ARIH2: variants seen among roughly 807,000 people sequenced by gnomAD.
ARIH2 encodes E3 ubiquitin-protein ligase ARIH2.
ARIH2 carries 12 observed loss-of-function variants against 79.8 expected under a neutral mutation model. The ratio of observed to expected loss-of-function variants is 0.15; its 90% CI spans 0.10 to 0.24. ARIH2 has a LOEUF of 0.24. ARIH2 is among the 10% of genes least tolerant of loss of function. The pLI, the probability that ARIH2 is intolerant of heterozygous loss-of-function variation, is 1.00. For synonymous variants in ARIH2, 224 were observed against 213.9 expected (o/e 1.05, Z -0.41); for missense variants, 301 against 618.3 (o/e 0.49, Z 5.44).
At chr3:48,919,208 T>A in intron 1 of ARIH2, 1 of 1,277,282 alleles carries the variant, frequency 7.8e-7, no homozygotes, top group Non-Finnish European at 9.9e-7. Flanking sequence ...TCCCGCCGCC[T>A]TCTCAGCTCT....
chr3:48,937,178 A>T (rs2087274150), intron 3 of ARIH2, among the ~76,000 whole-genome samples: 1 of 152,236 alleles, frequency 6.6e-6, no homozygotes, highest in African/African-American at 2.4e-5. Context: ...TGTGGTCTAT[A>T]TCTGGAAAAG....
At position 48,983,454 on chromosome 3, in the gene ARIH2, C is replaced by T. The variant is rs183107342; in HGVS notation, c.*184C>T. 7.9e-6 allele frequency: 5 copies of T among 631,808 alleles called. No homozygotes were observed. The highest frequency in any genetic ancestry group is 2.7e-5 in the East Asian group (1 of 37,254). The allele number at this position is 631,808 out of a possible 1,614,324, so 39.1% of individuals were successfully genotyped here. On this transcript the variant is annotated 3_prime_UTR_variant, in exon 16 of 16. Coordinates refer to ENST00000356401, the MANE Select transcript of ARIH2 (RefSeq NM_006321.4). ...CTTCTCTTTTCACTTTTTGTTTCTA[C>T]CAGGGTAGAGGCCATGTTGAACTGG...
At chr3:48,957,846 G>A (rs1277650750) in intron 3 of ARIH2, among the ~76,000 whole-genome samples, 1 of 152,112 alleles carries the variant, frequency 6.6e-6, no homozygotes, top group Non-Finnish European at 1.5e-5. Context: ...TTCCCGAGTA[G>A]CTGGGACTAC....
chr3:48,970,449 G>T, intron 7 of ARIH2, 146 bp from the exon 8 acceptor site: 1 of 603,504 alleles, frequency 1.7e-6, no homozygotes, highest in Non-Finnish European at 3.0e-6. Context: ...CTTACGTTTG[G>T]TCTTCACATC....
At chr3:48,932,774 C>G (rs959139014) in intron 3 of ARIH2, among the ~76,000 whole-genome samples, 8 of 152,202 alleles carry the variant, frequency 5.3e-5, no homozygotes, top group East Asian at 1.9e-4. Flanking sequence ...GGGACCCACC[C>G]CATTGCTTCA....
rs768838738 is a variant in ARIH2, at chr3:48,918,923, C to G, written c.-237C>G. On this transcript the variant is annotated 5_prime_UTR_variant, in exon 1 of 16. Coordinates refer to ENST00000356401, the MANE Select transcript of ARIH2 (RefSeq NM_006321.4). ...CCGCCGCCTCCGCTGCCGCTTCGCC[C>G]CAATCCGGTCCCTCTGGCCCGGCCT... 17 of 1,594,928 alleles carry G rather than the reference C, an allele frequency of 1.1e-5. No homozygotes were observed. The East Asian group carries it at 1.6e-4, about 15-fold the overall frequency.
chr3:48,974,606 T>A, intron 9 of ARIH2: 2 of 604,436 alleles, frequency 3.3e-6, no homozygotes, highest in East Asian at 5.6e-5. Context: ...GTTCAGCTGG[T>A]GCTTGAAGCA....
In ARIH2 at chr3:48,927,727, G is replaced by A. The variant is rs1191734093; in HGVS notation, c.169G>A (p.Glu57Lys). Residue 57 changes from glutamate to lysine, a missense_variant, in exon 3 of 16, where the codon GAG becomes AAG. Physicochemically the swap from Glu to Lys is moderately conservative, Grantham distance 56 (BLOSUM62 1). Around this residue, in one of 2 missense-constraint regions of ARIH2, gnomAD observed 223 missense variants for 349.4 expected, o/e 0.64. Transcript: ENST00000356401. ...EQQGADAFDP[E>K]EYQFTCLTYK... ...GCAGGGGGCTGATGCCTTTGATCCC[G>A]AGGAGTACCAGTTCACTTGCTTGAC... The A allele has an allele frequency of 2.5e-6, 4 of 1,614,086 alleles. No homozygotes were observed. The highest frequency in any genetic ancestry group is 1.3e-5 in the African/African-American group (1 of 74,932).
chr3:48,930,255 T>C (rs372500281), intron 3 of ARIH2, among the ~76,000 whole-genome samples: 1 of 152,108 alleles, frequency 6.6e-6, no homozygotes, highest in Admixed American at 6.6e-5. Context: ...ATATACAAAG[T>C]TTTTTCTTTG....
intron 15 of ARIH2, 45 bp from the exon 16 acceptor site, chr3:48,983,154 C>T: frequency 5.0e-6 from 8 of 1,608,976 alleles, no homozygotes; most frequent in Non-Finnish European, 6.8e-6. Flanking sequence ...CTCCTTGCTC[C>T]CAGGCCTGGG....
At chr3:48,977,753 G>A (rs1042997550) in intron 11 of ARIH2, among the ~76,000 whole-genome samples, 24 of 152,068 alleles carry the variant, frequency 1.6e-4, no homozygotes, top group African/African-American at 5.8e-4. Flanking sequence ...CACCGTGCCC[G>A]GCCTGTATTG....
In ARIH2 at chr3:48,979,567, C is replaced by G. The variant is rs781636704; in HGVS notation, c.1047C>G (p.Ile349Met). The change falls in exon 12 of 16, where the codon ATC becomes ATG. Residue 349 changes from isoleucine to methionine, a missense_variant. Ile to Met is a conservative substitution (Grantham distance 10). Transcript: ENST00000356401. ...ECSRYKENPD[I>M]VNQSQQAQAR... ...GTCGTTACAAGGAGAATCCTGACATCGTGAACCAGAGCCAACAAGCCCAGG... is the reference window on the plus strand; with the variant it reads ...GTCGTTACAAGGAGAATCCTGACATGGTGAACCAGAGCCAACAAGCCCAGG... The G allele has an allele frequency of 6.2e-7, 1 of 1,614,096 alleles. No individual in the cohort carries two copies. The highest frequency in any genetic ancestry group is 1.7e-5 in the Admixed American group (1 of 60,006).
chr3:48,919,372 G>T, intron 1 of ARIH2: 1 of 474,968 alleles, frequency 2.1e-6, no homozygotes, highest in Non-Finnish European at 3.4e-6. Flanking sequence ...GCGGTTTAAC[G>T]CCCGCCTGTG....
intron 3 of ARIH2, among the ~76,000 whole-genome samples, chr3:48,936,166 G>A (rs73082321): frequency 0.013 from 1,985 of 151,698 alleles, 30 homozygotes; most frequent in Non-Finnish European, 0.021. Context: ...AGACACCTCC[G>A]TACTTTAATT....
Position 48,927,663 on chromosome 3 carries a change from A to G in ARIH2, c.105A>G (p.Ile35Met). ...EEEEEDDPGD[I>M]EDYYVGVASD... ...AAGAAGAAGACGACCCTGGGGACAT[A>G]GAGGACTATTACGTGGGAGTAGCCA... Residue 35 changes from isoleucine (I) to methionine (M), a missense_variant, in exon 3 of 16, where the codon ATA becomes ATG. By Grantham distance (10) the Ile-to-Met change is conservative. This residue lies in a region of ARIH2 where 223 missense variants were observed against 349.4 expected (regional missense o/e 0.64). Coordinates refer to ENST00000356401, the MANE Select transcript of ARIH2 (RefSeq NM_006321.4). 6.2e-7 allele frequency: 1 copy of G among 1,614,040 alleles called. No individual in the cohort carries two copies. Among genetic ancestry groups the G allele is most frequent in the Non-Finnish European group, 8.5e-7 (1 of 1,179,968 alleles).
At chr3:48,952,560 T>A (rs1483894436) in intron 3 of ARIH2, among the ~76,000 whole-genome samples, 1 of 152,152 alleles carries the variant, frequency 6.6e-6, no homozygotes, top group Non-Finnish European at 1.5e-5. Context: ...GAGGCCCTTC[T>A]GATGGGAGTG....
chr3:48,923,341 A>G (rs2085093674), intron 2 of ARIH2, among the ~76,000 whole-genome samples: 1 of 151,842 alleles, frequency 6.6e-6, no homozygotes, highest in African/African-American at 2.4e-5. Context: ...CAGAGGTTGC[A>G]GTGAGCTGAG....
In ARIH2 at chr3:48,929,278, G is replaced by C. The variant is rs182902646; in HGVS notation, c.255+1465G>C. ...TCAAGCCTCTGTGCTGGCTTTTTCTGCCCTGCTAGAGACAGCTGAGGGGCC... is the reference window on the plus strand; with the variant it reads ...TCAAGCCTCTGTGCTGGCTTTTTCTCCCCTGCTAGAGACAGCTGAGGGGCC... On this transcript the variant is annotated intron_variant, in intron 3 of 15. Coordinates refer to ENST00000356401, the MANE Select transcript of ARIH2 (RefSeq NM_006321.4). 4.0e-5 allele frequency among the ~76,000 whole-genome samples: 6 copies of C among 151,810 alleles called. No individual in the cohort carries two copies. In the East Asian group the frequency reaches 9.7e-4, roughly 24 times the overall value.
At chr3:48,933,657 C>T (rs547297488) in intron 3 of ARIH2, among the ~76,000 whole-genome samples, 7 of 149,724 alleles carry the variant, frequency 4.7e-5, no homozygotes, top group African/African-American at 1.7e-4. Flanking sequence ...TCATACCATT[C>T]TCCTGCCTCA....
Sources: allele counts gnomAD v4.1 joint callset (sites outside exome capture counted in the v4.1 genomes callset), GRCh38; gene constraint gnomAD v4.1.1; regional missense constraint gnomAD v4.1.1; transcripts MANE v1.5; gene names NCBI Gene and HGNC (gene_info 2026-07-23, HGNC 2026-07-21).